The following ZFPM2 variants were observed in gnomAD, a reference collection of about 807,000 sequenced individuals.
ZFPM2 encodes zinc finger protein ZFPM2.
In ZFPM2, 20 loss-of-function variants were observed where a neutral mutation model predicts 98.6. The observed-to-expected ratio is 0.20, with a 90% CI of 0.14 to 0.29. The LOEUF (loss-of-function observed/expected upper bound fraction) is 0.29, where lower values mean the gene tolerates loss of function less well. Ranked by LOEUF, ZFPM2 falls within the 10% of genes least tolerant of loss-of-function variation. The pLI is 1.00. For missense variants in ZFPM2, 1,310 were observed against 1,388.6 expected (o/e 0.94, Z 0.90); for synonymous variants, 518 against 502.7 (o/e 1.03, Z -0.41).
chr8:105,593,271 G>T (rs1815889882), intron 4 of ZFPM2, among the ~76,000 whole-genome samples: 1 of 151,972 alleles, frequency 6.6e-6, no homozygotes, highest in Non-Finnish European at 1.5e-5. Context: ...ATGGAGAAAA[G>T]AATTACCAAA....
intron 6 of ZFPM2, chr8:105,795,865 T>C: frequency 2.3e-6 from 1 of 431,868 alleles, no homozygotes; most frequent in Non-Finnish European, 4.6e-6. Flanking sequence ...AGCAGACACA[T>C]CTTAAGAGGA....
intron 3 of ZFPM2, among the ~76,000 whole-genome samples, chr8:105,491,484 C>T (rs1229220089): frequency 2.6e-5 from 4 of 152,096 alleles, no homozygotes; most frequent in Admixed American, 6.6e-5. Context: ...CCGTTTATCA[C>T]AGTGCACAGG....
Position 105,413,507 on chromosome 8 carries a change from T to TAC in ZFPM2, c.41-5626_41-5625dup, listed in dbSNP as rs137954717. Among the ~76,000 whole-genome samples, 223 of 135,548 alleles carry TAC rather than the reference T, an allele frequency of 1.6e-3. 2 individuals are homozygous for TAC. Among genetic ancestry groups the TAC allele is most frequent in the East Asian group, 5.4e-3 (25 of 4,634 alleles). The allele number at this position is 135,548 out of a possible 152,430, so 88.9% of individuals were successfully genotyped here. A position where few individuals can be genotyped will look rare whatever the true frequency, so the allele number is the denominator to read the frequency against. On this transcript the variant is annotated intron_variant, in intron 1 of 7. Coordinates refer to ENST00000407775, the MANE Select transcript of ZFPM2 (RefSeq NM_012082.4). The stretch of plus-strand genomic sequence containing the variant: ...TTATATATATATATATATATATATA[T>TAC]ACACACACACACGCACATATATATA...
chr8:105,624,969 C>T (rs540644101), intron 4 of ZFPM2, among the ~76,000 whole-genome samples: 1 of 152,278 alleles, frequency 6.6e-6, no homozygotes, highest in East Asian at 1.9e-4. Flanking sequence ...CCACATTCTA[C>T]TCGAAGACAT....
intron 5 of ZFPM2, among the ~76,000 whole-genome samples, chr8:105,689,167 T>C (rs1176723081): frequency 6.6e-6 from 1 of 152,134 alleles, no homozygotes; most frequent in African/African-American, 2.4e-5. Context: ...TAATTCCTTA[T>C]GGAAGCCTTC....
At chr8:105,795,023 C>A (rs897227010) in intron 6 of ZFPM2, among the ~76,000 whole-genome samples, 3 of 152,188 alleles carry the variant, frequency 2.0e-5, no homozygotes, top group Non-Finnish European at 4.4e-5. Context: ...TCCTTGACCC[C>A]TTGCGCTTCC....
intron 3 of ZFPM2, among the ~76,000 whole-genome samples, chr8:105,542,535 C>T (rs1182487872): frequency 1.3e-5 from 2 of 152,078 alleles, no homozygotes; most frequent in Admixed American, 6.6e-5. Context: ...GTTGGCCCCT[C>T]CCTATCAGTG....
intron 6 of ZFPM2, among the ~76,000 whole-genome samples, chr8:105,793,058 T>C (rs975364745): frequency 1.4e-5 from 2 of 145,826 alleles, no homozygotes; most frequent in African/African-American, 5.6e-5. Context: ...GTCTGTGTCT[T>C]TTAATTGGAG....
At chr8:105,662,247 G>A (rs72673787) in intron 5 of ZFPM2, 16,426 of 152,052 alleles carry the variant, frequency 0.11, 989 homozygotes, top group Middle Eastern at 0.2. Flanking sequence ...GGATTAGCAC[G>A]GACATACTGA....
Position 105,677,959 on chromosome 8 carries a change from A to G in ZFPM2, c.532+43602A>G, listed in dbSNP as rs543518655. Among the ~76,000 whole-genome samples the G allele has an allele frequency of 7.6e-4, 116 of 152,302 alleles. 1 individual carries two copies. The highest frequency in any genetic ancestry group is 1.6e-3 in the Non-Finnish European group (107 of 68,014). ...CCAATGTTGTATATTGGAGCTGCTC[A>G]TAAGATGTTATCATAAATTGGGCAT... On this transcript the variant is annotated intron_variant, in intron 5 of 7. Transcript: ENST00000407775.
intron 1 of ZFPM2, among the ~76,000 whole-genome samples, chr8:105,394,486 G>T (rs1440603112): frequency 6.6e-6 from 1 of 152,146 alleles, no homozygotes; most frequent in Admixed American, 6.6e-5. Context: ...AAATGTTATT[G>T]AAAGTTCCTT....
At chr8:105,706,017 C>T (rs1193939154) in intron 5 of ZFPM2, among the ~76,000 whole-genome samples, 1 of 152,098 alleles carries the variant, frequency 6.6e-6, no homozygotes, top group African/African-American at 2.4e-5. Context: ...TTCCTTAATA[C>T]ACTACCTAAT....
At chr8:105,445,464 T>C (rs1380787704) in intron 3 of ZFPM2, among the ~76,000 whole-genome samples, 1 of 152,116 alleles carries the variant, frequency 6.6e-6, no homozygotes, top group Non-Finnish European at 1.5e-5. Flanking sequence ...ATTTTCACCT[T>C]ATGGCATGAT....
intron 5 of ZFPM2, among the ~76,000 whole-genome samples, chr8:105,701,448 T>A (rs1045935307): frequency 3.3e-5 from 5 of 152,208 alleles, no homozygotes; most frequent in African/African-American, 4.8e-5. Context: ...TATTTTTGAA[T>A]AACTTAGATG....
intron 5 of ZFPM2, among the ~76,000 whole-genome samples, chr8:105,654,215 A>AG (rs1817239767): frequency 6.6e-6 from 1 of 151,996 alleles, no homozygotes; most frequent in Middle Eastern, 3.4e-3. Flanking sequence ...AAAAAAGAGA[A>AG]GGAAAAAAAA....
intron 5 of ZFPM2, among the ~76,000 whole-genome samples, chr8:105,655,650 A>T (rs1204649055): frequency 6.6e-6 from 1 of 152,204 alleles, no homozygotes; most frequent in Non-Finnish European, 1.5e-5. Flanking sequence ...TTTATCATAG[A>T]ATCATAAAAT....
chr8:105,548,542 T>G (rs1340097728), intron 3 of ZFPM2, among the ~76,000 whole-genome samples: 1 of 152,164 alleles, frequency 6.6e-6, no homozygotes, highest in Non-Finnish European at 1.5e-5. Flanking sequence ...AAGGCAACGT[T>G]CTCTCATTCA....
At chr8:105,602,847 G>A (rs1816120691) in intron 4 of ZFPM2, among the ~76,000 whole-genome samples, 1 of 152,034 alleles carries the variant, frequency 6.6e-6, no homozygotes, top group Non-Finnish European at 1.5e-5. Flanking sequence ...AAGTTCAGAG[G>A]CATTCATGTC....
chr8:105,632,962 A>G (rs1816780599), intron 4 of ZFPM2, among the ~76,000 whole-genome samples: 1 of 152,052 alleles, frequency 6.6e-6, no homozygotes, highest in South Asian at 2.1e-4. Flanking sequence ...AGTATATTTT[A>G]TAGTAGTTTT....
Sources: allele counts gnomAD v4.1 joint callset (sites outside exome capture counted in the v4.1 genomes callset), GRCh38; gene constraint gnomAD v4.1.1; transcripts MANE v1.5; gene names NCBI Gene and HGNC (gene_info 2026-07-23, HGNC 2026-07-21).